Variants in ACTR3C observed in about 807,000 individuals in gnomAD.
The protein encoded by ACTR3C is actin related protein 3C, also known as actin-related protein 3C.
Under a neutral mutation model 26.3 loss-of-function variants are expected in ACTR3C, and 18 were observed. The ratio of observed to expected loss-of-function variants is 0.68; its 90% CI spans 0.47 to 1.01. The LOEUF (loss-of-function observed/expected upper bound fraction) is 1.01, where lower values mean the gene tolerates loss of function less well. ACTR3C is among the 50% of genes least tolerant of loss of function. ACTR3C has a pLI of 0.00. For missense variants in ACTR3C, 184 were observed against 250.7 expected (o/e 0.73, Z 1.80); for synonymous variants, 55 against 94.5 (o/e 0.58, Z 2.42).
chr7:149,913,116 C>CAGT, the ACTR3C span, among the ~76,000 whole-genome samples: 1 of 152,026 alleles, frequency 6.6e-6, no homozygotes, highest in Non-Finnish European at 1.5e-5. Context: ...AAATATAACT[C>CAGT]AGTAGATGTC....
the ACTR3C span, among the ~76,000 whole-genome samples, chr7:149,914,740 A>AT: frequency 6.6e-6 from 1 of 152,132 alleles, no homozygotes; most frequent in Non-Finnish European, 1.5e-5. Flanking sequence ...AAGAATCCTT[A>AT]TTGAAGCCAG....
chr7:149,979,543 T>G, the ACTR3C span, among the ~76,000 whole-genome samples: 2 of 152,254 alleles, frequency 1.3e-5, no homozygotes, highest in African/African-American at 4.8e-5. Context: ...AAATCATATT[T>G]GCTCAGACTT....
the ACTR3C span, chr7:150,001,219 A>G: frequency 2.6e-5 from 4 of 152,274 alleles, no homozygotes; most frequent in African/African-American, 9.7e-5. Context: ...CCAGCTGCTA[A>G]AGCTTCCCCT....
the ACTR3C span, among the ~76,000 whole-genome samples, chr7:150,223,478 TTTTGTTTG>T: frequency 4.1e-3 from 620 of 151,498 alleles, 6 homozygotes; most frequent in African/African-American, 0.014. Context: ...TGCAGGGTTT[TTTTGTTTG>T]TTTGTTTGTT....
At chr7:149,948,851 C>G in the ACTR3C span, among the ~76,000 whole-genome samples, 3 of 152,032 alleles carry the variant, frequency 2.0e-5, no homozygotes, top group South Asian at 6.2e-4. Context: ...GAGTGCTGGT[C>G]TCGGACGTGA....
the ACTR3C span, among the ~76,000 whole-genome samples, chr7:150,155,353 T>C: frequency 6.6e-6 from 1 of 151,832 alleles, no homozygotes; most frequent in African/African-American, 2.4e-5. Context: ...TCATTCAAAA[T>C]AACAAAAACC....
chr7:149,920,669 C>T, the ACTR3C span, among the ~76,000 whole-genome samples: 2 of 148,736 alleles, frequency 1.3e-5, no homozygotes, highest in South Asian at 4.4e-4. Flanking sequence ...CTGTTGAAAA[C>T]CCCAAGACTA....
chr7:149,970,672 TAACC>T, the ACTR3C span, among the ~76,000 whole-genome samples: 72 of 152,294 alleles, frequency 4.7e-4, 1 homozygote, highest in South Asian at 0.014. Flanking sequence ...ATCACACATT[TAACC>T]AACCAACCAA....
chr7:149,919,165 A>AT, the ACTR3C span, among the ~76,000 whole-genome samples: 1 of 89,806 alleles, frequency 1.1e-5, no homozygotes, highest in African/African-American at 4.9e-5. Context: ...TGTTTCATTT[A>AT]ATTTTTTTTG....
At chr7:150,103,788 A>G in the ACTR3C span, among the ~76,000 whole-genome samples, 2 of 152,044 alleles carry the variant, frequency 1.3e-5, no homozygotes, top group African/African-American at 2.4e-5. Context: ...ACAGAGCTCA[A>G]CATTCATATA....
chr7:149,953,676 T>G, the ACTR3C span, among the ~76,000 whole-genome samples: 1 of 152,234 alleles, frequency 6.6e-6, no homozygotes. Flanking sequence ...CTTTTTATTC[T>G]GAATATGGCA....
the ACTR3C span, among the ~76,000 whole-genome samples, chr7:149,996,365 G>A: frequency 6.7e-6 from 1 of 150,234 alleles, no homozygotes; most frequent in Non-Finnish European, 1.5e-5. Context: ...GGGATGGGGC[G>A]AATCATCCAG....
the ACTR3C span, among the ~76,000 whole-genome samples, chr7:149,907,933 A>G: frequency 9.9e-5 from 15 of 152,054 alleles, no homozygotes; most frequent in Non-Finnish European, 1.3e-4. Context: ...CAGAACACCA[A>G]TTGTCATGGA....
At chr7:150,047,257 G>A in the ACTR3C span, among the ~76,000 whole-genome samples, 1 of 152,208 alleles carries the variant, frequency 6.6e-6, no homozygotes, top group South Asian at 2.1e-4. Context: ...CGTAAGCACA[G>A]GCCGATCGAA....
the ACTR3C span, among the ~76,000 whole-genome samples, chr7:150,162,814 A>T: frequency 6.6e-6 from 1 of 152,280 alleles, no homozygotes; most frequent in South Asian, 2.1e-4. Flanking sequence ...TCTACACTAA[A>T]ATTGATGAAT....
chr7:150,172,927 G>A, the ACTR3C span, among the ~76,000 whole-genome samples: 1 of 150,104 alleles, frequency 6.7e-6, no homozygotes, highest in Non-Finnish European at 1.5e-5. Context: ...TCACGCTGAT[G>A]CAAGAGGTGG....
the ACTR3C span, among the ~76,000 whole-genome samples, chr7:149,948,322 T>A: frequency 2.1e-5 from 3 of 143,676 alleles, no homozygotes; most frequent in Non-Finnish European, 3.0e-5. Flanking sequence ...CACTGCAGCA[T>A]GGGCACAGGG....
the ACTR3C span, among the ~76,000 whole-genome samples, chr7:149,985,582 C>T: frequency 3.3e-5 from 5 of 152,240 alleles, no homozygotes; most frequent in East Asian, 9.6e-4. Flanking sequence ...GTGGGCACCA[C>T]CCAATCCAGC....
the ACTR3C span, among the ~76,000 whole-genome samples, chr7:150,223,371 T>C: frequency 0.012 from 1,778 of 152,256 alleles, 16 homozygotes; most frequent in Non-Finnish European, 0.018. Flanking sequence ...ATCAAGCTGC[T>C]TTAAATGTTC....
Sources: gnomAD v4.1 joint callset for allele counts (sites outside exome capture counted in the v4.1 genomes callset) on GRCh38, gnomAD v4.1.1 for gene constraint, MANE v1.5 for transcripts, NCBI Gene and HGNC (gene_info 2026-07-23, HGNC 2026-07-21) for gene names.